PDE4D: variants seen among roughly 807,000 people sequenced by gnomAD.
PDE4D encodes 3',5'-cyclic-AMP phosphodiesterase 4D.
A neutral mutation model predicts 87.4 loss-of-function variants in PDE4D; 24 were observed. The observed-to-expected ratio is 0.27, with a 90% CI of 0.20 to 0.39. The LOEUF is 0.39. Ranked by LOEUF, PDE4D falls within the 10% of genes least tolerant of loss-of-function variation. The probability of loss-of-function intolerance (pLI) is 1.00; values close to 1 mark genes in which losing one functional copy is unlikely to be tolerated. For synonymous variants in PDE4D, 384 were observed against 383.2 expected (o/e 1.00, Z -0.02); for missense variants, 714 against 1,041.0 (o/e 0.69, Z 4.32).
intron 2 of PDE4D, among the ~76,000 whole-genome samples, chr5:60,130,834 G>T (rs1779502500): frequency 6.6e-6 from 1 of 152,052 alleles, no homozygotes; most frequent in African/African-American, 2.4e-5. Flanking sequence ...GTCCCAGGTT[G>T]GTGTTTTAAT....
chr5:59,943,092 T>C (rs1205016048), intron 3 of PDE4D, among the ~76,000 whole-genome samples: 1 of 152,090 alleles, frequency 6.6e-6, no homozygotes, highest in African/African-American at 2.4e-5. Context: ...TTGTTTTTAA[T>C]GCAGAAGACA....
At chr5:59,798,857 G>GA (rs1766802413) in intron 1 of PDE4D, among the ~76,000 whole-genome samples, 1 of 152,108 alleles carries the variant, frequency 6.6e-6, no homozygotes, top group African/African-American at 2.4e-5. Context: ...CTGTGGTATG[G>GA]AAAAAAGAGA....
intron 1 of PDE4D, among the ~76,000 whole-genome samples, chr5:59,853,095 A>G (rs926883759): frequency 1.3e-5 from 2 of 151,544 alleles, no homozygotes; most frequent in African/African-American, 4.9e-5. Context: ...AAAATAGAAG[A>G]AAAATCCTTT....
intron 1 of PDE4D, among the ~76,000 whole-genome samples, chr5:59,873,381 C>T (rs187191551): frequency 6.6e-6 from 1 of 152,250 alleles, no homozygotes; most frequent in African/African-American, 2.4e-5. Flanking sequence ...GTTTGAACAG[C>T]GTAGAAAAGT....
chr5:60,493,783 C>G (rs1019824545), intron 1 of PDE4D, among the ~76,000 whole-genome samples: 4 of 152,104 alleles, frequency 2.6e-5, no homozygotes, highest in Admixed American at 1.3e-4. Flanking sequence ...TTCCCCAGCA[C>G]CCACCATGAA....
intron 1 of PDE4D, among the ~76,000 whole-genome samples, chr5:59,537,426 C>T (rs1312657185): frequency 1.3e-5 from 2 of 152,176 alleles, no homozygotes; most frequent in African/African-American, 4.8e-5. Context: ...ATTCATGCTT[C>T]CTAACTTTTC....
chr5:59,644,127 T>C (rs1462462768), intron 1 of PDE4D, among the ~76,000 whole-genome samples: 1 of 152,210 alleles, frequency 6.6e-6, no homozygotes. Flanking sequence ...GACCATATTC[T>C]ACAGGGCAGG....
At chr5:60,407,769 A>G (rs1741683353) in intron 1 of PDE4D, among the ~76,000 whole-genome samples, 2 of 151,932 alleles carry the variant, frequency 1.3e-5, no homozygotes, top group South Asian at 4.2e-4. Context: ...ATTACTTTTA[A>G]TGGCAAAAAC....
At chr5:59,885,943 A>G (rs558327064) in intron 1 of PDE4D, among the ~76,000 whole-genome samples, 7 of 152,234 alleles carry the variant, frequency 4.6e-5, no homozygotes, top group African/African-American at 7.2e-5. Flanking sequence ...ATATGTGTCT[A>G]TTTTTCTGAG....
rs572178948 is a variant in PDE4D at position 59,014,408 on chromosome 5, A to T, written c.922-20943T>A. 2.2e-3 allele frequency among the ~76,000 whole-genome samples: 339 copies of T among 152,336 alleles called. 2 individuals carry two copies. Among genetic ancestry groups the T allele is most frequent in the Non-Finnish European group, 4.1e-3 (277 of 68,030 alleles). ...TATATTTAGAAAACCCCATCATCTCAGCCCAAAATCTCCTTAAGCTGATAA... is the reference window on the plus strand; with the variant it reads ...TATATTTAGAAAACCCCATCATCTCTGCCCAAAATCTCCTTAAGCTGATAA... On this transcript the variant is annotated intron_variant, in intron 6 of 14. Coordinates refer to ENST00000340635, the MANE Select transcript of PDE4D (RefSeq NM_001104631.2).
intron 1 of PDE4D, among the ~76,000 whole-genome samples, chr5:59,612,540 G>C (rs1224389799): frequency 6.6e-6 from 1 of 151,934 alleles, no homozygotes; most frequent in Non-Finnish European, 1.5e-5. Flanking sequence ...AAATAACTAG[G>C]GCTCTTGAGT....
Position 60,257,256 on chromosome 5 carries a change from A to AAAG in PDE4D, c.-89-71570_-89-71569insCTT, listed in dbSNP as rs1491111028. On this transcript the variant is annotated intron_variant, in intron 1 of 16. Coordinates refer to the PDE4D transcript ENST00000502484. ...AGAAAGAAAGAAAGAAAGAAAGAAA[A>AAAG]GAAAAGAAAGAGAGAAAGAGAAAAA... Among the ~76,000 whole-genome samples, 3 of 149,582 alleles carry AAAG rather than the reference A, an allele frequency of 2.0e-5. No homozygotes were observed. In the East Asian group the frequency reaches 5.8e-4, roughly 29 times the overall value.
chr5:59,929,426 C>T (rs1164515127), intron 3 of PDE4D, among the ~76,000 whole-genome samples: 1 of 152,056 alleles, frequency 6.6e-6, no homozygotes, highest in Non-Finnish European at 1.5e-5. Flanking sequence ...ACACCTATTT[C>T]ATTTTGATTC....
chr5:60,451,910 A>C (rs1273511205), intron 1 of PDE4D, among the ~76,000 whole-genome samples: 1 of 152,086 alleles, frequency 6.6e-6, no homozygotes, highest in East Asian at 1.9e-4. Flanking sequence ...GTAAAAGTGA[A>C]ACAGAAATAT....
chr5:59,855,001 C>T (rs1161281322), intron 1 of PDE4D, among the ~76,000 whole-genome samples: 1 of 152,086 alleles, frequency 6.6e-6, no homozygotes, highest in African/African-American at 2.4e-5. Flanking sequence ...AATCAGAATG[C>T]TGGAGATTAT....
chr5:59,659,509 G>A (rs1744894798), intron 1 of PDE4D, among the ~76,000 whole-genome samples: 1 of 152,214 alleles, frequency 6.6e-6, no homozygotes, highest in Non-Finnish European at 1.5e-5. Flanking sequence ...TCTTCTCAAG[G>A]TGTGGCCTCC....
intron 11 of PDE4D, among the ~76,000 whole-genome samples, chr5:58,979,851 C>G (rs1285836715): frequency 1.3e-5 from 2 of 152,256 alleles, no homozygotes; most frequent in South Asian, 4.1e-4. Flanking sequence ...AATCGTTCCT[C>G]CCCAAACCCT....
chr5:60,070,286 G>T (rs573545919), intron 2 of PDE4D, among the ~76,000 whole-genome samples: 1 of 151,910 alleles, frequency 6.6e-6, no homozygotes, highest in Admixed American at 6.6e-5. Flanking sequence ...CCTTCATTCG[G>T]TTTTTCACCA....
intron 2 of PDE4D, among the ~76,000 whole-genome samples, chr5:60,104,298 A>C (rs1776593841): frequency 6.6e-6 from 1 of 152,158 alleles, no homozygotes; most frequent in Admixed American, 6.5e-5. Context: ...GGTGGCAGCG[A>C]GGCTGGGGGA....
Sources: allele counts gnomAD v4.1 joint callset (sites outside exome capture counted in the v4.1 genomes callset), GRCh38; gene constraint gnomAD v4.1.1; transcripts MANE v1.5; gene names NCBI Gene and HGNC (gene_info 2026-07-23, HGNC 2026-07-21).